Variants in SSBP2 observed in about 807,000 individuals in gnomAD.
The protein encoded by SSBP2 is single-stranded DNA-binding protein 2.
SSBP2 carries 17 observed loss-of-function variants against 61.8 expected under a neutral mutation model. That is an observed-to-expected ratio of 0.28 (90% CI 0.19 to 0.41). The LOEUF is 0.41. Ranked by LOEUF, SSBP2 falls within the 10% of genes least tolerant of loss-of-function variation. The pLI is 1.00. For synonymous variants in SSBP2, 139 were observed against 141.3 expected, an observed-to-expected ratio of 0.98 and a Z score of 0.12; for missense variants, 310 against 458.7, an observed-to-expected ratio of 0.68 and a Z score of 2.96.
At chr5:81,534,867 A>G (rs772294970) in intron 4 of SSBP2, among the ~76,000 whole-genome samples, 2 of 152,102 alleles carry the variant, frequency 1.3e-5, no homozygotes, top group African/African-American at 2.4e-5. Flanking sequence ...AAGTGGGACA[A>G]ATGCTCAAAA....
chr5:81,442,766 T>G (rs374865464), intron 12 of SSBP2, 43 bp from the exon 13 acceptor site: 3 of 1,045,904 alleles, frequency 2.9e-6, no homozygotes, highest in African/African-American at 1.6e-5. Context: ...CTTTAGAGTC[T>G]ATACCCAATT....
chr5:81,496,960 T>C (rs1023606463), intron 5 of SSBP2, among the ~76,000 whole-genome samples: 9 of 152,188 alleles, frequency 5.9e-5, no homozygotes, highest in Non-Finnish European at 1.2e-4. Flanking sequence ...CAACCATTTA[T>C]TAAATACTTA....
At chr5:81,721,014 T>C (rs1295673135) in intron 1 of SSBP2, among the ~76,000 whole-genome samples, 2 of 152,088 alleles carry the variant, frequency 1.3e-5, no homozygotes. Flanking sequence ...AAACAAAATA[T>C]TAGGTAGAAG....
intron 1 of SSBP2, among the ~76,000 whole-genome samples, chr5:81,687,498 G>C (rs1009852196): frequency 3.9e-5 from 6 of 152,222 alleles, no homozygotes; most frequent in Non-Finnish European, 8.8e-5. Flanking sequence ...ATATGACCCA[G>C]TGAGACACCA....
At chr5:81,634,730 T>C (rs1456555634) in intron 3 of SSBP2, among the ~76,000 whole-genome samples, 1 of 152,208 alleles carries the variant, frequency 6.6e-6, no homozygotes, top group East Asian at 1.9e-4. Flanking sequence ...TTTCTTCCCA[T>C]GTGCTATACT....
intron 1 of SSBP2, among the ~76,000 whole-genome samples, chr5:81,704,883 T>C (rs1354983778): frequency 6.6e-6 from 1 of 151,954 alleles, no homozygotes; most frequent in African/African-American, 2.4e-5. Flanking sequence ...AGTTTCTTTA[T>C]TTCCAGACCA....
chr5:81,529,404 C>T (rs963726068), intron 4 of SSBP2, among the ~76,000 whole-genome samples: 1 of 152,118 alleles, frequency 6.6e-6, no homozygotes, highest in African/African-American at 2.4e-5. Context: ...ATATTTATGC[C>T]TAAGCAGAGG....
intron 2 of SSBP2, among the ~76,000 whole-genome samples, chr5:81,639,046 C>CA (rs1238900909): frequency 6.6e-6 from 1 of 151,960 alleles, no homozygotes; most frequent in African/African-American, 2.4e-5. Flanking sequence ...TCTTAAGGCA[C>CA]AAAAAACCAC....
intron 6 of SSBP2, among the ~76,000 whole-genome samples, chr5:81,479,336 G>C (rs961576473): frequency 7.2e-5 from 11 of 152,002 alleles, no homozygotes; most frequent in African/African-American, 2.7e-4. Context: ...TGTCACCCAG[G>C]CTGGAGTGCA....
chr5:81,633,731 CT>C (rs1188103749), intron 3 of SSBP2, among the ~76,000 whole-genome samples: 1 of 152,156 alleles, frequency 6.6e-6, no homozygotes, highest in Non-Finnish European at 1.5e-5. Flanking sequence ...AACATCTCCA[CT>C]TGGATGGTAT....
At chr5:81,483,754 CATAT>C (rs145096856) in intron 6 of SSBP2, among the ~76,000 whole-genome samples, 2 of 150,670 alleles carry the variant, frequency 1.3e-5, no homozygotes, top group African/African-American at 2.5e-5. Context: ...CACCATTTGA[CATAT>C]ATATATACAC....
chr5:81,744,741 C>A (rs953231849), intron 1 of SSBP2, among the ~76,000 whole-genome samples: 5 of 151,972 alleles, frequency 3.3e-5, no homozygotes, highest in African/African-American at 1.2e-4. Flanking sequence ...CCAGGTCATT[C>A]GTTTACACTC....
intron 1 of SSBP2, among the ~76,000 whole-genome samples, chr5:81,692,933 T>A (rs961765011): frequency 1.3e-5 from 2 of 151,938 alleles, no homozygotes; most frequent in African/African-American, 2.4e-5. Flanking sequence ...AGGCCAGGTG[T>A]GGTGGCTCAC....
At chr5:81,606,214 T>G (rs544633999) in intron 4 of SSBP2, among the ~76,000 whole-genome samples, 1 of 152,140 alleles carries the variant, frequency 6.6e-6, no homozygotes, top group Non-Finnish European at 1.5e-5. Context: ...ACCCAAACAT[T>G]CAGCAACACA....
intron 5 of SSBP2, among the ~76,000 whole-genome samples, chr5:81,508,189 C>T (rs1768325527): frequency 2.0e-5 from 3 of 152,078 alleles, no homozygotes; most frequent in Admixed American, 2.0e-4. Context: ...AGATACTGTA[C>T]TTTATTCTAC....
chr5:81,610,481 G>A (rs2153586275), intron 4 of SSBP2, among the ~76,000 whole-genome samples: 1 of 152,234 alleles, frequency 6.6e-6, no homozygotes, highest in East Asian at 1.9e-4. Flanking sequence ...GAGATTCTGA[G>A]TCTTTCCTTC....
At chr5:81,750,493 C>G (rs1581479179) in intron 1 of SSBP2, among the ~76,000 whole-genome samples, 1 of 145,812 alleles carries the variant, frequency 6.9e-6, no homozygotes, top group Non-Finnish European at 1.5e-5. Flanking sequence ...CGCCCAGGCC[C>G]CCGCCGCCGC....
intron 4 of SSBP2, among the ~76,000 whole-genome samples, chr5:81,612,669 T>G (rs1468647074): frequency 6.6e-6 from 1 of 152,082 alleles, no homozygotes; most frequent in Non-Finnish European, 1.5e-5. Flanking sequence ...TTTTAAACAT[T>G]TATACATGCA....
intron 6 of SSBP2, among the ~76,000 whole-genome samples, chr5:81,487,345 A>C (rs1766461209): frequency 6.6e-6 from 1 of 152,222 alleles, no homozygotes; most frequent in African/African-American, 2.4e-5. Flanking sequence ...ATAAATACTT[A>C]TGATATTAAT....
Sources: gnomAD v4.1 joint callset for allele counts (sites outside exome capture counted in the v4.1 genomes callset) on GRCh38, gnomAD v4.1.1 for gene constraint, MANE v1.5 for transcripts, NCBI Gene and HGNC (gene_info 2026-07-23, HGNC 2026-07-21) for gene names.